The following SPTBN1 variants were observed in gnomAD, a reference collection of about 807,000 sequenced individuals.
The protein encoded by SPTBN1 is spectrin beta, non-erythrocytic 1, also known as spectrin beta chain, non-erythrocytic 1.
Under a neutral mutation model 266.4 loss-of-function variants are expected in SPTBN1, and 32 were observed. The observed-to-expected ratio is 0.12, with a 90% CI of 0.09 to 0.16. The LOEUF (loss-of-function observed/expected upper bound fraction) is 0.16, where lower values mean the gene tolerates loss of function less well. Among genes scored for constraint, SPTBN1 ranks in the 10% least tolerant of loss-of-function variants. SPTBN1 has a pLI of 1.00. For missense variants in SPTBN1, 2,296 were observed against 3,067.1 expected (o/e 0.75, Z 5.94); for synonymous variants, 1,336 against 1,162.2 (o/e 1.15, Z -3.04).
At chr2:54,467,521 A>C (rs1693699201) in intron 1 of SPTBN1, among the ~76,000 whole-genome samples, 1 of 151,936 alleles carries the variant, frequency 6.6e-6, no homozygotes, top group Non-Finnish European at 1.5e-5. Flanking sequence ...CAGCCTCCCG[A>C]GTAGCTGGCG....
intron 2 of SPTBN1, chr2:54,534,940 C>T (rs1473254472): frequency 6.6e-6 from 1 of 152,232 alleles, no homozygotes; most frequent in Non-Finnish European, 1.5e-5. Flanking sequence ...CTCTCTTGAT[C>T]CTCATTCCCC....
intron 32 of SPTBN1, chr2:54,660,388 A>T: frequency 8.8e-7 from 1 of 1,135,624 alleles, no homozygotes; most frequent in Non-Finnish European, 1.1e-6. Context: ...AATGAAGAAG[A>T]AAACTAGAAT....
chr2:54,656,512 A>G (rs1401473203), intron 29 of SPTBN1, among the ~76,000 whole-genome samples: 1 of 152,206 alleles, frequency 6.6e-6, no homozygotes, highest in Non-Finnish European at 1.5e-5. Flanking sequence ...TTCTCATTTT[A>G]TAAGGGAATA....
At chr2:54,489,823 A>G (rs1668594308) in intron 1 of SPTBN1, among the ~76,000 whole-genome samples, 1 of 152,016 alleles carries the variant, frequency 6.6e-6, no homozygotes, top group Non-Finnish European at 1.5e-5. Context: ...TTTGGAAAAC[A>G]CTCCTGAGAA....
intron 2 of SPTBN1, among the ~76,000 whole-genome samples, chr2:54,534,862 C>A (rs999165256): frequency 3.9e-5 from 6 of 152,170 alleles, no homozygotes; most frequent in Non-Finnish European, 7.4e-5. Flanking sequence ...CCTTCCTGGC[C>A]CAGCCCCTAT....
At chr2:54,597,772 C>T (rs1015085017) in intron 2 of SPTBN1, among the ~76,000 whole-genome samples, 4 of 151,850 alleles carry the variant, frequency 2.6e-5, no homozygotes, top group African/African-American at 9.6e-5. Context: ...TACTCTCAGG[C>T]GACTGGGCAC....
At chr2:54,654,802 A>G (rs1054244306) in intron 27 of SPTBN1, among the ~76,000 whole-genome samples, 1 of 152,198 alleles carries the variant, frequency 6.6e-6, no homozygotes, top group Non-Finnish European at 1.5e-5. Flanking sequence ...GCACCCACCT[A>G]GCAACCATTT....
intron 2 of SPTBN1, among the ~76,000 whole-genome samples, chr2:54,557,328 A>G (rs538655612): frequency 9.9e-5 from 15 of 151,736 alleles, no homozygotes; most frequent in African/African-American, 3.6e-4. Context: ...GTATTGCTGT[A>G]GGGCTCCAAA....
intron 1 of SPTBN1, among the ~76,000 whole-genome samples, chr2:54,509,380 T>G (rs1669736769): frequency 6.6e-6 from 1 of 152,152 alleles, no homozygotes; most frequent in South Asian, 2.1e-4. Context: ...AGAAAGTATA[T>G]GCATCAGGTG....
Position 54,563,593 on chromosome 2 carries a change from C to CTTTTTT in SPTBN1, c.149-35476_149-35471dup, listed in dbSNP as rs750173696. 5.3e-4 allele frequency among the ~76,000 whole-genome samples: 34 copies of CTTTTTT among 64,454 alleles called. 2 individuals are homozygous for CTTTTTT. The highest frequency in any genetic ancestry group is 3.5e-4 in the Non-Finnish European group (13 of 37,616). The allele number at this position is 64,454 out of a possible 152,430, so 42.3% of individuals were successfully genotyped here. A position where few individuals can be genotyped will look rare whatever the true frequency, so the allele number is the denominator to read the frequency against. On this transcript the variant is annotated intron_variant, in intron 2 of 35. Coordinates refer to ENST00000356805, the MANE Select transcript of SPTBN1 (RefSeq NM_003128.3). Reference sequence around the variant, plus strand: ...CTCTGAATCATGAAGAAAATTTATTCTTTTTTTTTTTTTTTTTTTTTTTTT... The same window carrying CTTTTTT: ...CTCTGAATCATGAAGAAAATTTATTCTTTTTTTTTTTTTTTTTTTTTTTTTTTTTTT...
intron 3 of SPTBN1, among the ~76,000 whole-genome samples, chr2:54,602,376 G>A (rs899822348): frequency 6.6e-6 from 1 of 152,166 alleles, no homozygotes; most frequent in Non-Finnish European, 1.5e-5. Flanking sequence ...GACATGTGGA[G>A]AGAGAGGAGC....
chr2:54,542,086 A>G (rs1261107550), intron 2 of SPTBN1, among the ~76,000 whole-genome samples: 2 of 152,246 alleles, frequency 1.3e-5, no homozygotes, highest in Non-Finnish European at 1.5e-5. Context: ...ATTTTGTTTC[A>G]TTCATTTATT....
At chr2:54,506,411 A>G (rs2104167964) in intron 1 of SPTBN1, among the ~76,000 whole-genome samples, 1 of 151,724 alleles carries the variant, frequency 6.6e-6, no homozygotes, top group South Asian at 2.1e-4. Flanking sequence ...TGTAAATATA[A>G]TTTAAAAAAT....
chr2:54,493,074 G>C (rs1668778716), intron 1 of SPTBN1, among the ~76,000 whole-genome samples: 1 of 143,160 alleles, frequency 7.0e-6, no homozygotes, highest in Non-Finnish European at 1.5e-5. Context: ...GGCACAATCA[G>C]AGCTCACTGC....
At chr2:54,505,954 C>T (rs1669530379) in intron 1 of SPTBN1, among the ~76,000 whole-genome samples, 1 of 151,862 alleles carries the variant, frequency 6.6e-6, no homozygotes, top group Non-Finnish European at 1.5e-5. Flanking sequence ...GAAACCCCAT[C>T]TCTACTAAAA....
At chr2:54,585,851 C>A (rs191087982) in intron 2 of SPTBN1, among the ~76,000 whole-genome samples, 4 of 152,146 alleles carry the variant, frequency 2.6e-5, no homozygotes, top group Admixed American at 2.6e-4. Context: ...TAGTGTTCTG[C>A]CTGGAATAAT....
rs1573399945 is a variant in SPTBN1 at position 54,554,285 on chromosome 2, T to A, written c.148+27719T>A. 1.3e-5 allele frequency among the ~76,000 whole-genome samples: 2 copies of A among 152,138 alleles called. No homozygotes were observed. The highest frequency in any genetic ancestry group is 2.9e-5 in the Non-Finnish European group (2 of 68,014). ...TGACTTGGTGGATCTGGGGTCCATG[T>A]GTTGGTTGTGCCACTCACCAGCTGG... On this transcript the variant is annotated intron_variant, in intron 2 of 35. Transcript: ENST00000356805. This position sits in a 1 kb window ranked among gnomAD's most constrained non-coding sequence, Gnocchi z 4.5.
At chr2:54,483,623 T>C (rs564594240) in intron 1 of SPTBN1, among the ~76,000 whole-genome samples, 2 of 152,322 alleles carry the variant, frequency 1.3e-5, no homozygotes, top group East Asian at 3.9e-4. Context: ...TCTGTTGCTT[T>C]CTGTGAGCCC....
chr2:54,491,045 G>A (rs531080869), intron 1 of SPTBN1, among the ~76,000 whole-genome samples: 6 of 152,252 alleles, frequency 3.9e-5, no homozygotes, highest in South Asian at 2.1e-4. Flanking sequence ...TTTGAGCTCT[G>A]GCATGGAAGA....
Sources: gnomAD v4.1 joint callset for allele counts (sites outside exome capture counted in the v4.1 genomes callset) on GRCh38, gnomAD v4.1.1 for gene constraint, Gnocchi (gnomAD v3.1) non-coding constraint, MANE v1.5 for transcripts, NCBI Gene and HGNC (gene_info 2026-07-23, HGNC 2026-07-21) for gene names.